Variants in LRRC9 observed in about 807,000 individuals in gnomAD.
The protein encoded by LRRC9 is leucine rich repeat containing 9, also known as leucine-rich repeat-containing protein 9.
Under a neutral mutation model 63.2 loss-of-function variants are expected in LRRC9, and 122 were observed. The observed-to-expected ratio is 1.93, with a 90% CI of 1.67 to 2.24. The LOEUF (loss-of-function observed/expected upper bound fraction) is 2.24. Among genes scored for constraint, LRRC9 ranks in the 30% most tolerant of loss-of-function variants. The pLI, the probability that LRRC9 is intolerant of heterozygous loss-of-function variation, is 0.00. For synonymous variants in LRRC9, 366 were observed against 213.1 expected (o/e 1.72, Z -6.25); for missense variants, 1,071 against 627.7 (o/e 1.71, Z -7.55).
In LRRC9 at chr14:60,042,693, C is replaced by A. The variant is rs1893061451; in HGVS notation, c.3991-10372C>A. On this transcript the variant is annotated intron_variant, in intron 29 of 31. Coordinates refer to ENST00000445360, the Ensembl canonical transcript of LRRC9. The surrounding 1 kb of genome is among the most constrained non-coding windows in gnomAD (Gnocchi z 4.2). ...AAAGGGAATTTCCCCACCCTTTGCA[C>A]TTCCCGGGTGAGGCAATGCCCTGTC... Among the ~76,000 whole-genome samples the A allele has an allele frequency of 6.6e-6, 1 of 152,176 alleles. No homozygotes were observed. Among genetic ancestry groups the A allele is most frequent in the Non-Finnish European group, 1.5e-5 (1 of 68,032 alleles).
chr14:60,008,082 T>C lies in LRRC9; in HGVS notation c.3064-10T>C. 3.0e-6 allele frequency: 2 copies of C among 672,438 alleles called. No individual in the cohort carries two copies. Among genetic ancestry groups the C allele is most frequent in the Non-Finnish European group, 2.7e-6 (1 of 371,748 alleles). 41.7% of individuals were successfully genotyped at this position (672,438 alleles called of 1,614,324 possible). ...TACATATAGATGAATATATGTATTTTATTACCTAGGGTTTATGCAACTTGG... is the reference window on the plus strand; with the variant it reads ...TACATATAGATGAATATATGTATTTCATTACCTAGGGTTTATGCAACTTGG... On this transcript the variant is annotated splice_polypyrimidine_tract_variant and intron_variant, in intron 22 of 31. Transcript: ENST00000445360.
exon 28 of LRRC9, chr14:60,028,033 C>G (rs1467701623): frequency 2.9e-6 from 2 of 701,608 alleles, no homozygotes; most frequent in East Asian, 2.7e-5. Flanking sequence ...AAACAGACTA[C>G]GAGAACTGGG....
Position 59,932,025 on chromosome 14 carries a change from A to G in LRRC9, c.529A>G (p.Ile177Val). 1.4e-6 allele frequency: 1 copy of G among 700,048 alleles called. No homozygotes were observed. Among genetic ancestry groups the G allele is most frequent in the East Asian group, 2.7e-5 (1 of 37,110 alleles). The allele number at this position is 700,048 out of a possible 1,614,324, so 43.4% of individuals were successfully genotyped here. ...AAGATTAAACCTTTCTGGTAACCAA[A>G]TATGTTCTTTCAAGGTATGTTTAAG... Residue 177 changes from isoleucine (I) to valine (V), a missense_variant, in exon 6 of 32, where the codon ATA becomes GTA. By Grantham distance (29) the Ile-to-Val change is conservative. Transcript: ENST00000445360. This position sits in a 1 kb window ranked among gnomAD's most constrained non-coding sequence, Gnocchi z 4.7.
chr14:60,011,496 A>C (rs541695882), intron 23 of LRRC9, among the ~76,000 whole-genome samples: 60 of 152,370 alleles, frequency 3.9e-4, no homozygotes, highest in Admixed American at 7.8e-4. Context: ...TTTATGATTC[A>C]ATAATATAAA....
At position 59,941,326 on chromosome 14, in the gene LRRC9, T is replaced by C. The variant is rs560210101; in HGVS notation, c.726+2754T>C. Among the ~76,000 whole-genome samples, 4 of 151,904 alleles carry C rather than the reference T, an allele frequency of 2.6e-5. No individual in the cohort carries two copies. The East Asian group carries it at 7.7e-4, about 29-fold the overall frequency. ...TACACTTTTCATTGTATAAATCAAA[T>C]TTTTTGGTTTTTGAAATGTGAATAT... On this transcript the variant is annotated intron_variant, in intron 7 of 31. Transcript: ENST00000445360.
At chr14:60,039,077 C>T (rs975370979) in intron 29 of LRRC9, among the ~76,000 whole-genome samples, 7 of 152,262 alleles carry the variant, frequency 4.6e-5, no homozygotes, top group Admixed American at 2.0e-4. Flanking sequence ...TATTGATTTA[C>T]GAATGTTGAA....
At chr14:59,985,344 T>G in intron 17 of LRRC9, 120 bp downstream of exon 17, 1 of 474,516 alleles carries the variant, frequency 2.1e-6, no homozygotes, top group Non-Finnish European at 3.8e-6. Context: ...GGTATAAACT[T>G]TCAGTTATAA....
chr14:60,020,514 A>T (rs891868114), intron 26 of LRRC9, among the ~76,000 whole-genome samples: 1 of 151,860 alleles, frequency 6.6e-6, no homozygotes, highest in Non-Finnish European at 1.5e-5. Flanking sequence ...TACTTATATT[A>T]AGTGTATAAT....
At chr14:60,064,633 G>A (rs1894837521), downstream of LRRC9, among the ~76,000 whole-genome samples, 2 of 152,136 alleles carry the variant, frequency 1.3e-5, 1 homozygote, top group South Asian at 4.1e-4. Context: ...TTACATTTAG[G>A]TGGAAATAGG....
intron 23 of LRRC9, among the ~76,000 whole-genome samples, chr14:60,013,364 A>G (rs1198085276): frequency 2.6e-5 from 4 of 152,158 alleles, no homozygotes. Flanking sequence ...GCTGCTGTCC[A>G]TGAGTAGATT....
chr14:59,974,687 A>C, exon 13 of LRRC9: 1 of 682,174 alleles, frequency 1.5e-6, no homozygotes, highest in South Asian at 1.6e-5. Context: ...AATCTCTCTT[A>C]AGCATGAGCT....
In LRRC9 at chr14:60,051,105, C is replaced by T. The variant is rs1021058031; in HGVS notation, c.3991-1960C>T. ...AGTAGTCTGGCTGCTTTTGGTAGAG[C>T]CAGTGTGCTCCATTGGTGAGGGACT... On this transcript the variant is annotated intron_variant, in intron 29 of 31. Transcript: ENST00000445360. The surrounding 1 kb of genome is among the most constrained non-coding windows in gnomAD (Gnocchi z 4.7). 2.6e-5 allele frequency among the ~76,000 whole-genome samples: 4 copies of T among 152,206 alleles called. No homozygotes were observed. The highest frequency in any genetic ancestry group is 9.6e-5 in the African/African-American group (4 of 41,454).
At chr14:60,064,043 T>C (rs1221968594), downstream of LRRC9, among the ~76,000 whole-genome samples, 1 of 152,152 alleles carries the variant, frequency 6.6e-6, no homozygotes, top group Non-Finnish European at 1.5e-5. Flanking sequence ...AAAAAAAGCG[T>C]CCGATTTCAA....
chr14:60,006,061 T>C (rs895035180), intron 21 of LRRC9, among the ~76,000 whole-genome samples: 4 of 152,120 alleles, frequency 2.6e-5, no homozygotes, highest in Non-Finnish European at 2.9e-5. Flanking sequence ...TAGAGCTTTT[T>C]GTTTTCAAAA....
intron 4 of LRRC9, among the ~76,000 whole-genome samples, 194 bp from the exon 5 acceptor site, chr14:59,931,422 CCCT>C (rs1463026826): frequency 1.3e-5 from 2 of 152,062 alleles, no homozygotes; most frequent in African/African-American, 4.8e-5. Context: ...GCTTCCTGTT[CCCT>C]CCTCCAATAA....
At chr14:60,009,404 C>A (rs138326079) in intron 23 of LRRC9, among the ~76,000 whole-genome samples, 1 of 152,170 alleles carries the variant, frequency 6.6e-6, no homozygotes, top group African/African-American at 2.4e-5. Flanking sequence ...CAAAGGAACT[C>A]CCCTTTATAA....
At position 59,922,101 on chromosome 14, in the gene LRRC9, A is replaced by T. The variant is rs1267283400; in HGVS notation, c.-34+2218A>T. ...TCTGTCTCAAAAAAAAAATAAATAA[A>T]TAAATAAGAAAGAAAAAAGAAAAGA... is the stretch of plus-strand genomic sequence containing the variant. On this transcript the variant is annotated intron_variant, in intron 1 of 31. Transcript: ENST00000445360. This position sits in a 1 kb window ranked among gnomAD's most constrained non-coding sequence, Gnocchi z 5.3. Among the ~76,000 whole-genome samples the T allele has an allele frequency of 2.6e-5, 4 of 151,800 alleles. No homozygotes were observed. Among genetic ancestry groups the T allele is most frequent in the Non-Finnish European group, 5.9e-5 (4 of 67,984 alleles).
intron 29 of LRRC9, among the ~76,000 whole-genome samples, chr14:60,050,760 G>C (rs1893827379): frequency 6.6e-6 from 1 of 151,990 alleles, no homozygotes; most frequent in Non-Finnish European, 1.5e-5. Flanking sequence ...GCTTTTGTGG[G>C]GTCATTTTTG....
At chr14:59,998,909 A>T (rs749118175) in intron 18 of LRRC9, among the ~76,000 whole-genome samples, 192 bp from the exon 19 acceptor site, 1 of 152,040 alleles carries the variant, frequency 6.6e-6, no homozygotes, top group Non-Finnish European at 1.5e-5. Flanking sequence ...AGAATCATCA[A>T]CCTTCAAACA....
Sources: allele counts gnomAD v4.1 joint callset (sites outside exome capture counted in the v4.1 genomes callset), GRCh38; gene constraint gnomAD v4.1.1; non-coding constraint Gnocchi (gnomAD v3.1); transcripts MANE v1.5; gene names NCBI Gene and HGNC (gene_info 2026-07-23, HGNC 2026-07-21).